The following CLDN16 variants were observed in gnomAD, a reference collection of about 807,000 sequenced individuals.
CLDN16 encodes claudin 16.
Under a neutral mutation model 24.6 loss-of-function variants are expected in CLDN16, and 13 were observed. The ratio of observed to expected loss-of-function variants is 0.53; its 90% CI spans 0.34 to 0.84. The LOEUF is 0.84. CLDN16 is among the 40% of genes least tolerant of loss of function. The pLI is 0.01. For synonymous variants in CLDN16, 116 were observed against 106.7 expected, an observed-to-expected ratio of 1.09 and a Z score of -0.54; for missense variants, 298 against 292.7, an observed-to-expected ratio of 1.02 and a Z score of -0.13.
chr3:190,355,445 C>T (rs912664875), intron 1 of CLDN16, among the ~76,000 whole-genome samples: 1 of 151,830 alleles, frequency 6.6e-6, no homozygotes, highest in African/African-American at 2.4e-5. Flanking sequence ...AATGTTCTAT[C>T]GACTCTATTT....
At chr3:190,327,023 C>T (rs4011788) in intron 1 of CLDN16, among the ~76,000 whole-genome samples, 91,787 of 151,264 alleles carry the variant, frequency 0.61, 28,990 homozygotes, top group African/African-American at 0.79. Flanking sequence ...GAATAGACTA[C>T]ATGTGTGTAT....
chr3:190,300,597 C>G, the CLDN16 span, among the ~76,000 whole-genome samples: 2 of 152,136 alleles, frequency 1.3e-5, no homozygotes, highest in African/African-American at 4.8e-5. Flanking sequence ...ATTTATGTGA[C>G]CCACAAAGTC....
chr3:190,336,917 A>G (rs1164694863), intron 1 of CLDN16, among the ~76,000 whole-genome samples: 1 of 152,222 alleles, frequency 6.6e-6, no homozygotes. Context: ...AAAATATCCA[A>G]AGGGCATATG....
At chr3:190,355,328 T>G (rs1717745894) in intron 1 of CLDN16, among the ~76,000 whole-genome samples, 1 of 151,962 alleles carries the variant, frequency 6.6e-6, no homozygotes, top group Non-Finnish European at 1.5e-5. Context: ...TTTCTGTGAC[T>G]TTTCTTTACC....
upstream of CLDN16, among the ~76,000 whole-genome samples, chr3:190,386,258 A>G (rs1292702668): frequency 1.3e-5 from 2 of 152,172 alleles, no homozygotes; most frequent in African/African-American, 2.4e-5. Context: ...TCTTTGAATG[A>G]GCACTTAAAA....
intron 2 of CLDN16, among the ~76,000 whole-genome samples, chr3:190,373,871 A>C (rs1442676127): frequency 6.6e-6 from 1 of 151,466 alleles, no homozygotes; most frequent in African/African-American, 2.4e-5. Flanking sequence ...ACAGATCAGT[A>C]TTGTTTTGGT....
intron 2 of CLDN16, among the ~76,000 whole-genome samples, chr3:190,403,499 A>G (rs1031920175): frequency 9.2e-5 from 14 of 152,188 alleles, no homozygotes; most frequent in African/African-American, 3.1e-4. Context: ...GCTAAGAAAC[A>G]TCTGTTCTGT....
At chr3:190,379,595 CA>C (rs1159579366) in intron 3 of CLDN16, among the ~76,000 whole-genome samples, 1 of 152,074 alleles carries the variant, frequency 6.6e-6, no homozygotes, top group Non-Finnish European at 1.5e-5. Flanking sequence ...AAACAAACAA[CA>C]TCATCATGTG....
At chr3:190,342,544 C>T (rs1717461966) in intron 1 of CLDN16, among the ~76,000 whole-genome samples, 1 of 152,118 alleles carries the variant, frequency 6.6e-6, no homozygotes, top group Non-Finnish European at 1.5e-5. Context: ...AACTATAAGA[C>T]ATTAATGAAA....
intron 1 of CLDN16, among the ~76,000 whole-genome samples, chr3:190,336,712 A>G (rs1040568798): frequency 6.6e-6 from 1 of 152,234 alleles, no homozygotes; most frequent in Non-Finnish European, 1.5e-5. Context: ...GAAGGGTTTC[A>G]TAACAGGCTG....
At chr3:190,320,065 AGT>A (rs200480604), upstream of CLDN16, among the ~76,000 whole-genome samples, 1 of 148,168 alleles carries the variant, frequency 6.7e-6, no homozygotes, top group Non-Finnish European at 1.5e-5. Context: ...ACATCTCTAA[AGT>A]GTGTGTGGGG....
chr3:190,356,752 A>G (rs1717783273), intron 1 of CLDN16, among the ~76,000 whole-genome samples: 2 of 151,990 alleles, frequency 1.3e-5, no homozygotes, highest in Non-Finnish European at 2.9e-5. Flanking sequence ...ATTCCATGCT[A>G]TAAAAGAAAG....
chr3:190,372,290 G>A (rs963742932), intron 2 of CLDN16, among the ~76,000 whole-genome samples: 1 of 151,866 alleles, frequency 6.6e-6, no homozygotes, highest in African/African-American at 2.4e-5. Flanking sequence ...ATCCCTGAGA[G>A]TGGGGAAATT....
the CLDN16 span, among the ~76,000 whole-genome samples, chr3:190,299,326 G>T: frequency 6.6e-6 from 1 of 151,962 alleles, no homozygotes; most frequent in Admixed American, 6.6e-5. Flanking sequence ...TTTTAAAAGT[G>T]TTCTCAATAT....
At position 190,359,220 on chromosome 3, in the gene CLDN16, G is replaced by A. The variant is rs144916249; in HGVS notation, n.122-11673G>A. 1.1e-3 allele frequency among the ~76,000 whole-genome samples: 166 copies of A among 152,084 alleles called. 1 individual carries two copies. The highest frequency in any genetic ancestry group is 3.8e-3 in the African/African-American group (157 of 41,530). On this transcript the variant is annotated intron_variant and non_coding_transcript_variant, in intron 1 of 4. Coordinates refer to the CLDN16 transcript ENST00000468220. ...TGCATTACAATTTGTCTTATTTCTG[G>A]CAAAAGTTTTGATGAACAAAAATTA...
chr3:190,354,560 T>G (rs1011622945), intron 1 of CLDN16, among the ~76,000 whole-genome samples: 2 of 152,030 alleles, frequency 1.3e-5, no homozygotes, highest in Admixed American at 6.6e-5. Context: ...GACCACAGTC[T>G]GAGATGGCAC....
At chr3:190,353,428 A>G (rs1185640205) in intron 1 of CLDN16, among the ~76,000 whole-genome samples, 4 of 152,044 alleles carry the variant, frequency 2.6e-5, no homozygotes, top group Admixed American at 2.0e-4. Flanking sequence ...TGGTCACCCA[A>G]TCCTAATAAA....
intron 1 of CLDN16, among the ~76,000 whole-genome samples, chr3:190,390,156 C>T (rs1718613011): frequency 6.6e-6 from 1 of 152,192 alleles, no homozygotes; most frequent in South Asian, 2.1e-4. Flanking sequence ...CCTTGCTAAC[C>T]TTGAAAAATA....
At chr3:190,326,278 A>G (rs766050319) in intron 1 of CLDN16, among the ~76,000 whole-genome samples, 13 of 152,312 alleles carry the variant, frequency 8.5e-5, no homozygotes, top group Middle Eastern at 3.4e-3. Flanking sequence ...TGATCCTGCC[A>G]TTTGCAAATG....
Sources: gnomAD v4.1 joint callset for allele counts (sites outside exome capture counted in the v4.1 genomes callset) on GRCh38, gnomAD v4.1.1 for gene constraint, MANE v1.5 for transcripts, NCBI Gene and HGNC (gene_info 2026-07-23, HGNC 2026-07-21) for gene names.